The following MSI2 variants were observed in gnomAD, a reference collection of about 807,000 sequenced individuals.
MSI2 encodes RNA-binding protein Musashi homolog 2.
In MSI2, 17 loss-of-function variants were observed where a neutral mutation model predicts 45.6. The observed-to-expected ratio is 0.37, with a 90% confidence interval of 0.26 to 0.56. The LOEUF is 0.56. Ranked by LOEUF, MSI2 falls within the 20% of genes least tolerant of loss-of-function variation. The pLI, the probability that MSI2 is intolerant of heterozygous loss-of-function variation, is 0.77. For missense variants in MSI2, 293 were observed against 444.2 expected (o/e 0.66, Z 3.06); for synonymous variants, 156 against 158.2 (o/e 0.99, Z 0.11).
At chr17:57,441,742 C>T (rs1273938102) in intron 6 of MSI2, among the ~76,000 whole-genome samples, 2 of 152,152 alleles carry the variant, frequency 1.3e-5, no homozygotes, top group Non-Finnish European at 2.9e-5. Flanking sequence ...TAATTTCAGC[C>T]TCATAAGGGA....
At chr17:57,301,758 G>A (rs1911437952) in intron 5 of MSI2, among the ~76,000 whole-genome samples, 1 of 146,114 alleles carries the variant, frequency 6.8e-6, no homozygotes, top group Non-Finnish European at 1.5e-5. Flanking sequence ...AGCTCAAACC[G>A]TGCTGCAGCG....
At chr17:57,624,522 C>A (rs1348709159) in intron 9 of MSI2, among the ~76,000 whole-genome samples, 2 of 152,182 alleles carry the variant, frequency 1.3e-5, no homozygotes, top group Non-Finnish European at 2.9e-5. Flanking sequence ...CTTTCTCCGT[C>A]GGGTTGCTGA....
chr17:57,634,079 C>A (rs1445296278), intron 10 of MSI2, among the ~76,000 whole-genome samples: 2 of 152,212 alleles, frequency 1.3e-5, no homozygotes, highest in Non-Finnish European at 2.9e-5. Context: ...ATGAATAAGA[C>A]TGACTCCTTC....
chr17:57,264,515 C>T (rs1907601530), intron 5 of MSI2: 1 of 152,156 alleles, frequency 6.6e-6, no homozygotes, highest in Non-Finnish European at 1.5e-5. Context: ...GCCTGGCCAA[C>T]CTGCTATTTT....
chr17:57,309,187 A>G (rs905384138), intron 5 of MSI2, among the ~76,000 whole-genome samples: 10 of 152,240 alleles, frequency 6.6e-5, no homozygotes, highest in Non-Finnish European at 2.9e-5. Flanking sequence ...ATCTTTGAAC[A>G]TAAGTAGTTC....
intron 2 of MSI2, 23 bp from the exon 3 acceptor site, chr17:57,257,443 T>A: frequency 1.6e-4 from 164 of 1,051,072 alleles, no homozygotes; most frequent in Non-Finnish European, 2.2e-4. Flanking sequence ...CCCCCCCCCA[T>A]CTCTCTCTTT....
chr17:57,290,713 C>T (rs987719531), intron 5 of MSI2, among the ~76,000 whole-genome samples: 2 of 152,196 alleles, frequency 1.3e-5, no homozygotes, highest in Non-Finnish European at 2.9e-5. Context: ...GAACCCATTC[C>T]TGGGCATGCT....
intron 6 of MSI2, among the ~76,000 whole-genome samples, chr17:57,480,635 A>G (rs891407584): frequency 6.6e-6 from 1 of 152,236 alleles, no homozygotes; most frequent in African/African-American, 2.4e-5. Context: ...GCTGGGTTTC[A>G]GACCTCAGCC....
chr17:57,563,110 A>AAC (rs1555624271), intron 7 of MSI2, among the ~76,000 whole-genome samples: 1 of 150,686 alleles, frequency 6.6e-6, no homozygotes, highest in East Asian at 1.9e-4. Flanking sequence ...AAAAAAAAAA[A>AAC]AAAAAAAAAA....
At chr17:57,675,787 C>T (rs1293827003) in intron 12 of MSI2, among the ~76,000 whole-genome samples, 1 of 152,212 alleles carries the variant, frequency 6.6e-6, no homozygotes, top group Non-Finnish European at 1.5e-5. Flanking sequence ...CAGCCTCCAC[C>T]CCTTGAAGGC....
intron 11 of MSI2, among the ~76,000 whole-genome samples, chr17:57,653,596 C>G (rs1200882009): frequency 6.6e-6 from 1 of 152,168 alleles, no homozygotes; most frequent in African/African-American, 2.4e-5. Context: ...CTTGGCCCTA[C>G]CTGTGCCTGG....
chr17:57,518,890 T>G (rs2086525636), intron 6 of MSI2, among the ~76,000 whole-genome samples: 1 of 152,220 alleles, frequency 6.6e-6, no homozygotes, highest in Non-Finnish European at 1.5e-5. Flanking sequence ...GTGACAGCTG[T>G]CAAGCCTGCC....
At chr17:57,409,901 G>A (rs549891700) in intron 6 of MSI2, among the ~76,000 whole-genome samples, 5 of 151,346 alleles carry the variant, frequency 3.3e-5, no homozygotes, top group East Asian at 1.9e-4. Flanking sequence ...CCAGCTACTC[G>A]GGAGGTTGAG....
chr17:57,435,489 C>T (rs2084675128), intron 6 of MSI2, among the ~76,000 whole-genome samples: 1 of 152,152 alleles, frequency 6.6e-6, no homozygotes, highest in African/African-American at 2.4e-5. Flanking sequence ...TTTTAAAGGT[C>T]ACTCAGATTT....
chr17:57,294,400 G>A (rs113874253), intron 5 of MSI2, among the ~76,000 whole-genome samples: 2,678 of 152,242 alleles, frequency 0.018, 70 homozygotes, highest in African/African-American at 0.054. Context: ...AAAAGCTGGC[G>A]TGGCACTGTT....
intron 6 of MSI2, among the ~76,000 whole-genome samples, chr17:57,491,958 T>C (rs1308142754): frequency 6.6e-6 from 1 of 152,174 alleles, no homozygotes; most frequent in Admixed American, 6.5e-5. Flanking sequence ...TTTCTCTGAG[T>C]TCTGTATTAG....
At chr17:57,405,946 C>T (rs1297209560) in intron 6 of MSI2, among the ~76,000 whole-genome samples, 2 of 152,196 alleles carry the variant, frequency 1.3e-5, no homozygotes, top group Non-Finnish European at 2.9e-5. Flanking sequence ...TCCAAGATCA[C>T]TCAGCCCATG....
In MSI2 at chr17:57,610,974, C is replaced by G. The variant is rs1312567323; in HGVS notation, c.538-4996C>G. 2.1e-5 allele frequency among the ~76,000 whole-genome samples: 2 copies of G among 95,152 alleles called. 1 individual carries two copies. Among genetic ancestry groups the G allele is most frequent in the Non-Finnish European group, 5.0e-5 (2 of 39,724 alleles). 62.4% of individuals were successfully genotyped at this position (95,152 alleles called of 152,430 possible). A position where few individuals can be genotyped will look rare whatever the true frequency, so the allele number is the denominator to read the frequency against. ...TGGGAGTGTTTTGTGGCATTGCCAG[C>G]TGTGCACCTTGAAAACAGAGACCTG... On this transcript the variant is annotated intron_variant, in intron 8 of 13. Coordinates refer to ENST00000284073, the MANE Select transcript of MSI2 (RefSeq NM_138962.4).
chr17:57,557,971 TCA>T (rs2087477866), intron 7 of MSI2, among the ~76,000 whole-genome samples: 1 of 152,176 alleles, frequency 6.6e-6, no homozygotes, highest in Non-Finnish European at 1.5e-5. Flanking sequence ...GACTCTGCCC[TCA>T]CACACCCTCC....
Sources: allele counts gnomAD v4.1 joint callset (sites outside exome capture counted in the v4.1 genomes callset), GRCh38; gene constraint gnomAD v4.1.1; transcripts MANE v1.5; gene names NCBI Gene and HGNC (gene_info 2026-07-23, HGNC 2026-07-21).